The following NSL1 variants were observed in gnomAD, a reference collection of about 807,000 sequenced individuals.
The protein encoded by NSL1 is kinetochore-associated protein NSL1 homolog.
Under a neutral mutation model 25.4 loss-of-function variants are expected in NSL1, and 11 were observed. That is an observed-to-expected ratio of 0.43 (90% CI 0.27 to 0.72). The LOEUF is 0.72. NSL1 is among the 30% of genes least tolerant of loss of function. NSL1 has a pLI of 0.19. For synonymous variants in NSL1, 118 were observed against 120.6 expected (o/e 0.98, Z 0.14); for missense variants, 330 against 342.7 (o/e 0.96, Z 0.29).
At chr1:212,777,678 TTC>T (rs1319937401) in intron 4 of NSL1, among the ~76,000 whole-genome samples, 1 of 152,308 alleles carries the variant, frequency 6.6e-6, no homozygotes, top group African/African-American at 2.4e-5. Context: ...CTGGTTATAC[TTC>T]TGAGGTAAGA....
At chr1:212,751,969 C>T (rs1659085736) in intron 4 of NSL1, among the ~76,000 whole-genome samples, 1 of 152,138 alleles carries the variant, frequency 6.6e-6, no homozygotes, top group African/African-American at 2.4e-5. Context: ...GATGGCTGGT[C>T]CATGCCACAC....
In NSL1 at chr1:212,726,158, C is replaced by G. The variant is rs1437936670; in HGVS notation, c.*12250G>C. 6.6e-6 allele frequency: 1 copy of G among 152,122 alleles called. No individual in the cohort carries two copies. The highest frequency in any genetic ancestry group is 1.5e-5 in the Non-Finnish European group (1 of 68,038). The allele number at this position is 152,122 out of a possible 1,614,324, so 9.4% of individuals were successfully genotyped here. A position where few individuals can be genotyped will look rare whatever the true frequency, so the allele number is the denominator to read the frequency against. On this transcript the variant is annotated 3_prime_UTR_variant, in exon 6 of 6. Coordinates refer to ENST00000366977, the MANE Select transcript of NSL1 (RefSeq NM_015471.4). ...TGAAAAGAACAGACTAGGAATAGAT[C>G]TAAATATATATTCGATTTTATTAGA...
chr1:212,737,849 C>G lies in NSL1; in HGVS notation c.*559G>C. The G allele has an allele frequency of 1.0e-6, 1 of 985,278 alleles. No homozygotes were observed. Among genetic ancestry groups the G allele is most frequent in the Non-Finnish European group, 1.2e-6 (1 of 829,846 alleles). 61.0% of individuals were successfully genotyped at this position (985,278 alleles called of 1,614,324 possible). The stretch of plus-strand genomic sequence containing the variant: ...CAACAAAAAATCCTAAAGTTAATCT[C>G]ACAAACCTAAATTAGCTGAACATGG... On this transcript the variant is annotated 3_prime_UTR_variant, in exon 6 of 6. Coordinates refer to ENST00000366977, the MANE Select transcript of NSL1 (RefSeq NM_015471.4).
chr1:212,732,009 T>C lies in NSL1; in HGVS notation c.*6399A>G. ...AATTGCTAATTCCCATCCTTTAGCCTCCCAGTGTAACTGTCCCAATTTTTT... is the reference window on the plus strand; with the variant it reads ...AATTGCTAATTCCCATCCTTTAGCCCCCCAGTGTAACTGTCCCAATTTTTT... On this transcript the variant is annotated 3_prime_UTR_variant, in exon 6 of 6. Coordinates refer to ENST00000366977, the MANE Select transcript of NSL1 (RefSeq NM_015471.4). The C allele has an allele frequency of 1.0e-6, 1 of 980,876 alleles. No homozygotes were observed. The allele number at this position is 980,876 out of a possible 1,614,324, so 60.8% of individuals were successfully genotyped here. A position where few individuals can be genotyped will look rare whatever the true frequency, so the allele number is the denominator to read the frequency against.
intron 4 of NSL1, among the ~76,000 whole-genome samples, chr1:212,779,077 G>A (rs1485638300): frequency 1.3e-5 from 2 of 148,598 alleles, no homozygotes; most frequent in South Asian, 2.1e-4. Context: ...AGTGAGGAGC[G>A]TCTCTGCCCG....
rs906175674 is a variant in NSL1 at position 212,732,954 on chromosome 1, T to A, written c.*5454A>T. Among the ~76,000 whole-genome samples the A allele has an allele frequency of 6.6e-6, 1 of 152,242 alleles. No homozygotes were observed. Among genetic ancestry groups the A allele is most frequent in the African/African-American group, 2.4e-5 (1 of 41,462 alleles). On this transcript the variant is annotated 3_prime_UTR_variant, in exon 6 of 6. Coordinates refer to ENST00000366977, the MANE Select transcript of NSL1 (RefSeq NM_015471.4). ...GTTTAGTAATCTGATGCCATTCCAA[T>A]TCCTCTTGGTATTCCTCAGGTCTGG...
At chr1:212,773,481 G>A (rs61544753) in intron 4 of NSL1, among the ~76,000 whole-genome samples, 1 of 152,212 alleles carries the variant, frequency 6.6e-6, no homozygotes, top group African/African-American at 2.4e-5. Context: ...ATCACAATGA[G>A]TTATCAACTT....
At chr1:212,784,142 T>C in intron 3 of NSL1, 1 of 273,730 alleles carries the variant, frequency 3.7e-6, no homozygotes, top group Non-Finnish European at 6.8e-6. Context: ...CTTTCATTTT[T>C]TTCATTTTTG....
chr1:212,746,261 A>G (rs1247268286), intron 4 of NSL1, among the ~76,000 whole-genome samples: 2 of 152,202 alleles, frequency 1.3e-5, no homozygotes, highest in Non-Finnish European at 2.9e-5. Flanking sequence ...ATCTGTGACA[A>G]TGACAACATA....
At chr1:212,781,977 A>C in intron 4 of NSL1, 1 of 478,680 alleles carries the variant, frequency 2.1e-6, no homozygotes, top group South Asian at 1.6e-5. Flanking sequence ...TTTTAGAAAT[A>C]ATGAGAAACC....
rs12128903 is a variant in NSL1 at position 212,729,709 on chromosome 1, C to G, written c.*8699G>C. On this transcript the variant is annotated 3_prime_UTR_variant, in exon 6 of 6. Transcript: ENST00000366977. Reference sequence around the variant, plus strand: ...CAGAGAAGGAAATGAAGCAAGATACCAAGGTCAAATCCTCCTCTCTTTTCC... The same window carrying G: ...CAGAGAAGGAAATGAAGCAAGATACGAAGGTCAAATCCTCCTCTCTTTTCC... 154,593 of 985,214 alleles carry G rather than the reference C, an allele frequency of 0.16. 12,910 individuals are homozygous for G. Among genetic ancestry groups the G allele is most frequent in the African/African-American group, 0.31 (17,703 of 57,250 alleles). 61.0% of individuals were successfully genotyped at this position (985,214 alleles called of 1,614,324 possible). A position where few individuals can be genotyped will look rare whatever the true frequency, so the allele number is the denominator to read the frequency against.
intron 3 of NSL1, among the ~76,000 whole-genome samples, chr1:212,783,147 C>CGCAGG (rs111264761): frequency 0.018 from 2,717 of 152,052 alleles, 70 homozygotes; most frequent in African/African-American, 0.059. Context: ...GGAGGAAAGA[C>CGCAGG]GCAGGGCAGG....
Position 212,730,732 on chromosome 1 carries a change from C to T in NSL1, c.*7676G>A, listed in dbSNP as rs368687502. The T allele has an allele frequency of 2.1e-5, 21 of 985,404 alleles. No individual in the cohort carries two copies. The East Asian group carries it at 5.7e-4, about 27-fold the overall frequency. 61.0% of individuals were successfully genotyped at this position (985,404 alleles called of 1,614,324 possible). ...GTCCTGCAGGGATATGGGAATTAGA[C>T]TTAGTTCTAGTAGACGTAGTTCTAG... On this transcript the variant is annotated 3_prime_UTR_variant, in exon 6 of 6. Transcript: ENST00000366977.
intron 1 of NSL1, among the ~76,000 whole-genome samples, chr1:212,790,754 C>G (rs543979825): frequency 6.6e-6 from 1 of 151,804 alleles, no homozygotes; most frequent in South Asian, 2.1e-4. Flanking sequence ...AACCCTGTCT[C>G]TACTAAAAAC....
chr1:212,738,532 G>A lies in NSL1; in HGVS notation c.722C>T (p.Thr241Ile). ...KPENFITQIE[T>I]TPTETASRKT... Reference sequence around the variant, plus strand: ...CCTGGAAGCAGTCTCTGTTGGTGTGGTTTCTATCTGTGTTATAAAGTTCTC... The same window carrying A: ...CCTGGAAGCAGTCTCTGTTGGTGTGATTTCTATCTGTGTTATAAAGTTCTC... The change falls in exon 6 of 6, where the codon ACC (threonine) becomes ATC (isoleucine). Residue 241 changes from threonine to isoleucine, a missense_variant. Thr to Ile is a moderately conservative substitution (Grantham distance 89). Coordinates refer to ENST00000366977, the MANE Select transcript of NSL1 (RefSeq NM_015471.4). 1 of 1,614,044 alleles carries A rather than the reference G, an allele frequency of 6.2e-7. No homozygotes were observed. Among genetic ancestry groups the A allele is most frequent in the South Asian group, 1.1e-5 (1 of 91,082 alleles).
At chr1:212,754,259 TA>T (rs1175565216) in intron 4 of NSL1, among the ~76,000 whole-genome samples, 2 of 151,888 alleles carry the variant, frequency 1.3e-5, no homozygotes, top group Non-Finnish European at 2.9e-5. Flanking sequence ...ATATACAAAA[TA>T]AAACATTTCA....
intron 4 of NSL1, among the ~76,000 whole-genome samples, chr1:212,778,629 A>C (rs1416333826): frequency 1.3e-5 from 2 of 152,038 alleles, no homozygotes; most frequent in Non-Finnish European, 2.9e-5. Flanking sequence ...TCCAGCTCCT[A>C]ACCGCGAGTG....
At chr1:212,751,073 A>G (rs1222604554) in intron 4 of NSL1, among the ~76,000 whole-genome samples, 1 of 152,214 alleles carries the variant, frequency 6.6e-6, no homozygotes, top group Non-Finnish European at 1.5e-5. Flanking sequence ...ATTGAAGAAC[A>G]CTTACATAGT....
chr1:212,734,251 C>A lies in NSL1; in HGVS notation c.*4157G>T, dbSNP rs914908037. On this transcript the variant is annotated 3_prime_UTR_variant, in exon 6 of 6. Transcript: ENST00000366977. ...TTGTTTTAATTCACTCAGTTAACCA[C>A]TATGCATCGAGGGCCCATCATGTGC... Among the ~76,000 whole-genome samples the A allele has an allele frequency of 1.3e-5, 2 of 152,156 alleles. No homozygotes were observed. Among genetic ancestry groups the A allele is most frequent in the African/African-American group, 4.8e-5 (2 of 41,442 alleles).
Sources: gnomAD v4.1 joint callset for allele counts (sites outside exome capture counted in the v4.1 genomes callset) on GRCh38, gnomAD v4.1.1 for gene constraint, MANE v1.5 for transcripts, NCBI Gene and HGNC (gene_info 2026-07-23, HGNC 2026-07-21) for gene names.